The following CDCA7L variants were observed in gnomAD, a reference collection of about 807,000 sequenced individuals.
CDCA7L encodes cell division cycle associated 7 like.
CDCA7L carries 44 observed loss-of-function variants against 57.4 expected under a neutral mutation model. The observed-to-expected ratio is 0.77, with a 90% CI of 0.60 to 0.98. CDCA7L has a LOEUF of 0.98. Among genes scored for constraint, CDCA7L ranks in the 50% least tolerant of loss-of-function variants. The pLI is 0.00. For synonymous variants in CDCA7L, 236 were observed against 202.8 expected, an observed-to-expected ratio of 1.16 and a Z score of -1.39; for missense variants, 644 against 580.6, an observed-to-expected ratio of 1.11 and a Z score of -1.12.
At chr7:21,905,332 C>A (rs1785105692) in intron 7 of CDCA7L, among the ~76,000 whole-genome samples, 174 bp downstream of exon 7, 1 of 152,138 alleles carries the variant, frequency 6.6e-6, no homozygotes, top group Admixed American at 6.5e-5. Context: ...GGAATTACTG[C>A]ACTAGGCTGC....
intron 1 of CDCA7L, chr7:21,944,617 A>G (rs1562641019): frequency 6.6e-6 from 1 of 152,068 alleles, no homozygotes; most frequent in Non-Finnish European, 1.5e-5. Context: ...TCAACAACAG[A>G]TTTTTCTCAA....
intron 1 of CDCA7L, among the ~76,000 whole-genome samples, chr7:21,931,931 C>G (rs1465026125): frequency 6.6e-6 from 1 of 152,194 alleles, no homozygotes; most frequent in Non-Finnish European, 1.5e-5. Context: ...AGCCCCAAAA[C>G]TCCTCAAGCT....
intron 1 of CDCA7L, among the ~76,000 whole-genome samples, chr7:21,934,925 G>A (rs1478200835): frequency 7.1e-6 from 1 of 141,318 alleles, no homozygotes; most frequent in Non-Finnish European, 1.6e-5. Flanking sequence ...AGCAAACACT[G>A]ACAGAACTGA....
chr7:21,902,182 CTT>C lies in CDCA7L; in HGVS notation c.*138_*139del. ...AAATCTTTGTAAGCATATAAACAAT[CTT>C]TAACAAAAAATAGTAATTTCTACAA... On this transcript the variant is annotated 3_prime_UTR_variant, in exon 10 of 10. Transcript: ENST00000406877. The C allele has an allele frequency of 1.2e-6, 1 of 843,232 alleles. No individual in the cohort carries two copies. The highest frequency in any genetic ancestry group is 2.0e-6 in the Non-Finnish European group (1 of 506,794). 52.2% of individuals were successfully genotyped at this position (843,232 alleles called of 1,614,324 possible). A position where few individuals can be genotyped will look rare whatever the true frequency, so the allele number is the denominator to read the frequency against.
chr7:21,913,016 T>A (rs1785380922), intron 2 of CDCA7L, among the ~76,000 whole-genome samples: 1 of 151,920 alleles, frequency 6.6e-6, no homozygotes, highest in African/African-American at 2.4e-5. Context: ...TGTCCCCAGT[T>A]TCCTCTGACG....
chr7:21,908,634 T>A, intron 3 of CDCA7L, 127 bp from the exon 4 acceptor site: 1 of 1,030,614 alleles, frequency 9.7e-7, no homozygotes, highest in East Asian at 2.7e-5. Context: ...CCCTTCATAT[T>A]ATGAGTTCCC....
chr7:21,935,435 G>C (rs1489519346), intron 1 of CDCA7L, among the ~76,000 whole-genome samples: 2 of 152,000 alleles, frequency 1.3e-5, no homozygotes, highest in Non-Finnish European at 1.5e-5. Flanking sequence ...TAAAAATGAA[G>C]ATCTCCAACC....
At chr7:21,918,551 G>A (rs1358110195) in intron 1 of CDCA7L, among the ~76,000 whole-genome samples, 1 of 152,174 alleles carries the variant, frequency 6.6e-6, no homozygotes, top group Non-Finnish European at 1.5e-5. Context: ...TTTTGAAGAA[G>A]CTGGGTCACT....
chr7:21,919,066 C>A (rs1313840712), intron 1 of CDCA7L, among the ~76,000 whole-genome samples: 18 of 152,092 alleles, frequency 1.2e-4, no homozygotes, highest in Non-Finnish European at 2.4e-4. Flanking sequence ...GATCCTCTCA[C>A]CTCAGCCTCC....
intron 1 of CDCA7L, among the ~76,000 whole-genome samples, chr7:21,919,745 G>A (rs750257351): frequency 6.6e-6 from 1 of 151,974 alleles, no homozygotes; most frequent in Non-Finnish European, 1.5e-5. Context: ...ACTTATCCAT[G>A]TGGTGCTCTA....
At chr7:21,917,359 T>C (rs1221233329) in intron 1 of CDCA7L, among the ~76,000 whole-genome samples, 1 of 152,222 alleles carries the variant, frequency 6.6e-6, no homozygotes, top group African/African-American at 2.4e-5. Context: ...AGAAAGTTCA[T>C]ACAATGAAAT....
chr7:21,938,818 AAC>A (rs992523456), intron 1 of CDCA7L, among the ~76,000 whole-genome samples: 3 of 152,286 alleles, frequency 2.0e-5, no homozygotes, highest in African/African-American at 7.2e-5. Context: ...CAACCTGGGC[AAC>A]ACAGAGACTC....
chr7:21,902,178 CAATCTTTAACAAAAAATAGT>C lies in CDCA7L; in HGVS notation c.*124_*143del. 1.2e-6 allele frequency: 1 copy of C among 804,588 alleles called. No homozygotes were observed. Among genetic ancestry groups the C allele is most frequent in the East Asian group, 2.5e-5 (1 of 39,262 alleles). 49.8% of individuals were successfully genotyped at this position (804,588 alleles called of 1,614,324 possible). The stretch of plus-strand genomic sequence containing the variant: ...TGAGAAATCTTTGTAAGCATATAAA[CAATCTTTAACAAAAAATAGT>C]AATTTCTACAAAGAATTTCTGTATA... On this transcript the variant is annotated 3_prime_UTR_variant, in exon 10 of 10. Coordinates refer to ENST00000406877, the MANE Select transcript of CDCA7L (RefSeq NM_018719.5).
intron 1 of CDCA7L, among the ~76,000 whole-genome samples, chr7:21,929,865 T>C (rs1317063483): frequency 2.0e-5 from 3 of 151,984 alleles, no homozygotes; most frequent in Non-Finnish European, 4.4e-5. Context: ...TCCCACACAA[T>C]AATAGTGGGA....
chr7:21,930,414 T>G (rs1241888675), intron 1 of CDCA7L, among the ~76,000 whole-genome samples: 1 of 151,232 alleles, frequency 6.6e-6, no homozygotes, highest in Non-Finnish European at 1.5e-5. Context: ...AACTAGAGAG[T>G]GGCCGGGTGC....
chr7:21,931,608 G>C (rs1380829785), intron 1 of CDCA7L, among the ~76,000 whole-genome samples: 1 of 152,118 alleles, frequency 6.6e-6, no homozygotes, highest in Non-Finnish European at 1.5e-5. Flanking sequence ...CAGTAAACGA[G>C]GTATTGATGG....
chr7:21,945,773 A>G lies in CDCA7L; in HGVS notation c.24+8T>C. The G allele has an allele frequency of 1.3e-6, 2 of 1,597,714 alleles. No individual in the cohort carries two copies. On this transcript the variant is annotated splice_region_variant and intron_variant, in intron 1 of 9. Coordinates refer to ENST00000406877, the MANE Select transcript of CDCA7L (RefSeq NM_018719.5). Reference sequence around the variant, plus strand: ...CGTCCGGACGGCGGCGGGCGGCCGGACCCTCACCTGGTAGCGAGTCGCCAA... The same window carrying G: ...CGTCCGGACGGCGGCGGGCGGCCGGGCCCTCACCTGGTAGCGAGTCGCCAA...
intron 4 of CDCA7L, among the ~76,000 whole-genome samples, chr7:21,906,961 G>A (rs1264648029): frequency 6.6e-6 from 1 of 152,170 alleles, no homozygotes; most frequent in Non-Finnish European, 1.5e-5. Flanking sequence ...ATCCAAGGCG[G>A]TGTGACCCTG....
chr7:21,908,165 T>A lies in CDCA7L; in HGVS notation c.646A>T (p.Lys216Ter). The A allele has an allele frequency of 6.3e-7, 1 of 1,580,228 alleles. No individual in the cohort carries two copies. Among genetic ancestry groups the A allele is most frequent in the Non-Finnish European group, 8.5e-7 (1 of 1,171,220 alleles). Residue 216 changes from lysine to a stop codon, truncating the protein, a stop_gained, in exon 4 of 10, where the codon AAA (lysine) becomes TAA (stop). Coordinates refer to ENST00000406877, the MANE Select transcript of CDCA7L (RefSeq NM_018719.5). LOFTEE classifies it high-confidence loss of function. ...ESQESSDALL[K>*]RTMNIKENKA... ...TTCTCCTTGATGTTCATGGTCCTTT[T>A]CAGCAAAGCATCTGAACTCTCCTGG...
Sources: allele counts gnomAD v4.1 joint callset (sites outside exome capture counted in the v4.1 genomes callset), GRCh38; gene constraint gnomAD v4.1.1; transcripts MANE v1.5; gene names NCBI Gene and HGNC (gene_info 2026-07-23, HGNC 2026-07-21).